Variants in GRIK4 observed in about 807,000 individuals in gnomAD.
GRIK4 encodes the protein glutamate ionotropic receptor kainate type subunit 4, also known as glutamate receptor ionotropic, kainate 4.
Under a neutral mutation model 104.9 loss-of-function variants are expected in GRIK4, and 40 were observed. The ratio of observed to expected loss-of-function variants is 0.38; its 90% CI spans 0.30 to 0.50. GRIK4 has a LOEUF of 0.50. GRIK4 is among the 20% of genes least tolerant of loss of function. The probability of loss-of-function intolerance (pLI) is 0.93; values close to 1 mark genes in which losing one functional copy is unlikely to be tolerated. For missense variants in GRIK4, 1,047 were observed against 1,308.1 expected (o/e 0.80, Z 3.08); for synonymous variants, 485 against 524.9 (o/e 0.92, Z 1.04).
At chr11:120,806,157 T>C (rs1565363517) in intron 4 of GRIK4, among the ~76,000 whole-genome samples, 1 of 152,136 alleles carries the variant, frequency 6.6e-6, no homozygotes, top group Non-Finnish European at 1.5e-5. Context: ...TGTTGTTGGC[T>C]TCATTCTCTC....
At chr11:120,680,220 G>C (rs1189625832) in intron 3 of GRIK4, among the ~76,000 whole-genome samples, 1 of 152,210 alleles carries the variant, frequency 6.6e-6, no homozygotes, top group Non-Finnish European at 1.5e-5. Flanking sequence ...TGGGACTACA[G>C]GTGCGCTCCA....
intron 1 of GRIK4, among the ~76,000 whole-genome samples, chr11:120,606,544 C>A (rs1001679020): frequency 6.6e-6 from 1 of 152,218 alleles, no homozygotes; most frequent in African/African-American, 2.4e-5. Flanking sequence ...ACACTCATTC[C>A]GTCCATTCAT....
chr11:120,933,268 C>A (rs1285664333), intron 13 of GRIK4, among the ~76,000 whole-genome samples: 1 of 152,226 alleles, frequency 6.6e-6, no homozygotes, highest in African/African-American at 2.4e-5. Context: ...AACAGGTCTG[C>A]CTGCCTCCAA....
chr11:120,732,293 G>A (rs1378615389), intron 3 of GRIK4, among the ~76,000 whole-genome samples: 4 of 151,898 alleles, frequency 2.6e-5, no homozygotes, highest in African/African-American at 7.3e-5. Flanking sequence ...CACAACACCC[G>A]GCTAATTTTT....
chr11:120,568,210 A>G (rs1479026827), intron 1 of GRIK4, among the ~76,000 whole-genome samples: 1 of 151,654 alleles, frequency 6.6e-6, no homozygotes, highest in African/African-American at 2.4e-5. Context: ...AAAACAAACA[A>G]CTCTCCAGCA....
chr11:120,707,672 G>A (rs899900260), intron 3 of GRIK4, among the ~76,000 whole-genome samples: 2 of 152,188 alleles, frequency 1.3e-5, no homozygotes, highest in African/African-American at 4.8e-5. Context: ...AGATTCAAAA[G>A]GCTAATCTGT....
chr11:120,573,202 T>C (rs978448459), intron 1 of GRIK4, among the ~76,000 whole-genome samples: 3 of 152,158 alleles, frequency 2.0e-5, no homozygotes, highest in African/African-American at 7.2e-5. Flanking sequence ...GTGAGCCCCG[T>C]AAATGTTTGT....
At chr11:120,559,156 G>T (rs1377254880) in intron 1 of GRIK4, among the ~76,000 whole-genome samples, 2 of 152,160 alleles carry the variant, frequency 1.3e-5, no homozygotes, top group Admixed American at 1.3e-4. Context: ...CATAGCAAAG[G>T]CCTGCTGAGG....
At chr11:120,636,057 T>G (rs556009685) in intron 1 of GRIK4, among the ~76,000 whole-genome samples, 2 of 152,364 alleles carry the variant, frequency 1.3e-5, no homozygotes, top group East Asian at 1.9e-4. Context: ...CTTTCCTTCG[T>G]TCAACGTTTC....
intron 6 of GRIK4, among the ~76,000 whole-genome samples, chr11:120,820,668 G>A (rs567566212): frequency 5.1e-4 from 78 of 152,296 alleles, no homozygotes; most frequent in African/African-American, 1.8e-3. Context: ...TGTGTCCTGC[G>A]CAGCTCACCT....
chr11:120,554,370 A>G (rs1164675296), intron 1 of GRIK4, among the ~76,000 whole-genome samples: 3 of 152,172 alleles, frequency 2.0e-5, no homozygotes, highest in Admixed American at 2.0e-4. Flanking sequence ...AGGTGGGGTC[A>G]GGCCTCAGCA....
At chr11:120,580,225 TTC>T (rs1948555151) in intron 1 of GRIK4, among the ~76,000 whole-genome samples, 1 of 140,774 alleles carries the variant, frequency 7.1e-6, no homozygotes, top group African/African-American at 3.2e-5. Flanking sequence ...CTTTCTTTCT[TTC>T]TTTCTTTCTT....
chr11:120,616,592 G>A (rs1949117772), intron 1 of GRIK4, among the ~76,000 whole-genome samples: 1 of 152,164 alleles, frequency 6.6e-6, no homozygotes, highest in Non-Finnish European at 1.5e-5. Context: ...TGGCCATGGT[G>A]GCCAGGAAGG....
At chr11:120,804,012 C>T (rs528019938) in intron 4 of GRIK4, among the ~76,000 whole-genome samples, 1 of 152,276 alleles carries the variant, frequency 6.6e-6, no homozygotes, top group East Asian at 1.9e-4. Flanking sequence ...ATGAGACCTC[C>T]CTACAGTCCT....
chr11:120,936,246 C>A, intron 13 of GRIK4: 1 of 476,030 alleles, frequency 2.1e-6, no homozygotes. Flanking sequence ...CGCTAGTCAT[C>A]TGCCGCCGTG....
intron 4 of GRIK4, among the ~76,000 whole-genome samples, chr11:120,805,623 G>A (rs1952696082): frequency 6.6e-6 from 1 of 152,132 alleles, no homozygotes; most frequent in African/African-American, 2.4e-5. Context: ...GTTAGGAAAG[G>A]GGACTTCTGG....
chr11:120,943,129 C>CAT (rs1943765836), intron 14 of GRIK4, among the ~76,000 whole-genome samples: 1 of 120,018 alleles, frequency 8.3e-6, no homozygotes, highest in African/African-American at 4.6e-5. Context: ...CACACACACA[C>CAT]ACACACACAC....
rs752316833 is a variant in GRIK4, at chr11:120,802,736, G to A, written c.126G>A (p.Arg42=). 6.2e-7 allele frequency: 1 copy of A among 1,614,138 alleles called. No individual in the cohort carries two copies. The highest frequency in any genetic ancestry group is 1.7e-5 in the Admixed American group (1 of 60,030). ...DDPMECSRGE[R]LSITLAKNRI... is the part of the protein sequence containing the mutation. ...CCATGGAGTGCAGCAGAGGGGAGCGGCTCTCCATCACCCTGGCCAAGAACC... is the reference window on the plus strand; with the variant it reads ...CCATGGAGTGCAGCAGAGGGGAGCGACTCTCCATCACCCTGGCCAAGAACC... Residue 42 remains arginine, a synonymous_variant, in exon 4 of 21, where the codon CGG becomes CGA. Transcript: ENST00000527524.
At chr11:120,855,630 C>T (rs1954085423) in intron 8 of GRIK4, among the ~76,000 whole-genome samples, 1 of 150,802 alleles carries the variant, frequency 6.6e-6, no homozygotes, top group African/African-American at 2.4e-5. Context: ...ACCATCTTGG[C>T]TCACTGCGAC....
Sources: allele counts gnomAD v4.1 joint callset (sites outside exome capture counted in the v4.1 genomes callset), GRCh38; gene constraint gnomAD v4.1.1; transcripts MANE v1.5; gene names NCBI Gene and HGNC (gene_info 2026-07-23, HGNC 2026-07-21).